Variants in ZNF273 observed in about 807,000 individuals in gnomAD.
ZNF273 encodes the protein zinc finger protein 273.
Under a neutral mutation model 14.9 loss-of-function variants are expected in ZNF273, and 11 were observed. The observed-to-expected ratio is 0.74, with a 90% CI of 0.46 to 1.22. The LOEUF (loss-of-function observed/expected upper bound fraction) is 1.22. ZNF273 is among the 50% of genes most tolerant of loss of function. The pLI is 0.00. For synonymous variants in ZNF273, 199 were observed against 223.9 expected (o/e 0.89, Z 0.99); for missense variants, 577 against 660.6 (o/e 0.87, Z 1.39).
chr7:64,906,371 A>G (rs1333252186), intron 1 of ZNF273, among the ~76,000 whole-genome samples: 1 of 152,224 alleles, frequency 6.6e-6, no homozygotes, highest in Admixed American at 6.5e-5. Context: ...ATAAAATAAT[A>G]CGTTTATCAT....
chr7:64,918,899 C>G (rs1415295846), intron 3 of ZNF273, among the ~76,000 whole-genome samples: 1 of 151,812 alleles, frequency 6.6e-6, no homozygotes, highest in Non-Finnish European at 1.5e-5. Flanking sequence ...TACTGCTTTT[C>G]CATTGTTTTG....
At chr7:64,881,152 G>A (rs369422966), downstream of ZNF273, among the ~76,000 whole-genome samples, 34 of 152,328 alleles carry the variant, frequency 2.2e-4, no homozygotes, top group South Asian at 6.6e-3. Context: ...AACCTGCCAG[G>A]GAACAGTTGG....
At chr7:64,881,351 T>C (rs533441728), downstream of ZNF273, among the ~76,000 whole-genome samples, 21 of 152,362 alleles carry the variant, frequency 1.4e-4, no homozygotes, top group African/African-American at 4.3e-4. Context: ...CAGGAAACGA[T>C]TCCCTGTCCA....
At chr7:64,888,203 G>T in intron 1 of ZNF273, 1 of 750,456 alleles carries the variant, frequency 1.3e-6, no homozygotes, top group Non-Finnish European at 1.6e-6. Flanking sequence ...ATTCCCTGAA[G>T]CCTGGCTGCT....
intron 1 of ZNF273, among the ~76,000 whole-genome samples, chr7:64,913,585 G>A (rs960995220): frequency 1.3e-5 from 2 of 152,236 alleles, no homozygotes; most frequent in Non-Finnish European, 1.5e-5. Flanking sequence ...TAAAGAGACA[G>A]CGAAGAAGAT....
downstream of ZNF273, chr7:64,888,875 C>T (rs539441095): frequency 2.2e-5 from 22 of 985,922 alleles, no homozygotes; most frequent in South Asian, 9.9e-4. Flanking sequence ...ATCTATCTGC[C>T]AGGGAAACGG....
downstream of ZNF273, among the ~76,000 whole-genome samples, chr7:64,884,728 C>G (rs551143345): frequency 6.6e-6 from 1 of 152,170 alleles, no homozygotes; most frequent in Admixed American, 6.5e-5. Flanking sequence ...TCCCTGGGAC[C>G]GGATTCTTGC....
downstream of ZNF273, among the ~76,000 whole-genome samples, chr7:64,894,193 C>CA (rs1454608288): frequency 1.3e-5 from 2 of 152,054 alleles, no homozygotes; most frequent in Admixed American, 1.3e-4. Flanking sequence ...TTAGAAGAAA[C>CA]AGGGTTTCAC....
At chr7:64,892,927 C>T (rs1028887199), downstream of ZNF273, among the ~76,000 whole-genome samples, 1 of 152,082 alleles carries the variant, frequency 6.6e-6, no homozygotes, top group Non-Finnish European at 1.5e-5. Flanking sequence ...CATCATATTG[C>T]CCATTCCTTT....
At chr7:64,904,241 G>C (rs1344742597) in intron 1 of ZNF273, among the ~76,000 whole-genome samples, 1 of 152,046 alleles carries the variant, frequency 6.6e-6, no homozygotes, top group South Asian at 2.1e-4. Context: ...GGCGCACGCC[G>C]CCACGCCCAG....
downstream of ZNF273, chr7:64,882,454 GC>G (rs1791289839): frequency 6.6e-6 from 1 of 152,268 alleles, no homozygotes; most frequent in South Asian, 2.1e-4. Flanking sequence ...CGGGCTGACA[GC>G]CCCGACAGCC....
At chr7:64,910,640 T>A (rs547959059) in intron 1 of ZNF273, among the ~76,000 whole-genome samples, 1 of 151,986 alleles carries the variant, frequency 6.6e-6, no homozygotes, top group East Asian at 1.9e-4. Context: ...TTTGTTCTTT[T>A]TGCTTAAGAT....
At chr7:64,917,310 T>C (rs774150487) in intron 1 of ZNF273, among the ~76,000 whole-genome samples, 19 of 152,244 alleles carry the variant, frequency 1.2e-4, no homozygotes, top group Non-Finnish European at 2.2e-4. Flanking sequence ...CACTCACAAA[T>C]GTACGTGTTT....
upstream of ZNF273, among the ~76,000 whole-genome samples, chr7:64,902,709 G>A (rs1792805147): frequency 8.0e-6 from 1 of 124,804 alleles, no homozygotes; most frequent in African/African-American, 2.9e-5. Flanking sequence ...GACTCCGAAA[G>A]AGACAGAGAG....
chr7:64,899,081 T>C (rs915080704), upstream of ZNF273, among the ~76,000 whole-genome samples: 2 of 152,216 alleles, frequency 1.3e-5, no homozygotes, highest in Non-Finnish European at 1.5e-5. Context: ...AATTCTTGTA[T>C]TGCCTTGGAA....
At chr7:64,935,727 G>A (rs1375692967), downstream of ZNF273, among the ~76,000 whole-genome samples, 1 of 152,076 alleles carries the variant, frequency 6.6e-6, no homozygotes, top group Non-Finnish European at 1.5e-5. Context: ...TCGCCATATT[G>A]ACGAGGCTGG....
chr7:64,888,970 G>T (rs779719611), downstream of ZNF273: 83 of 981,918 alleles, frequency 8.5e-5, no homozygotes, highest in Non-Finnish European at 9.8e-5. Context: ...CCACCCAGCC[G>T]CCGTGGTCAA....
chr7:64,928,562 A>C lies in ZNF273; in HGVS notation c.1234A>C (p.Lys412Gln). Residue 412 changes from lysine (K) to glutamine (Q), a missense_variant, in exon 4 of 4, where the codon AAA (lysine) becomes CAA (glutamine). Physicochemically the swap from Lys to Gln is moderately conservative, Grantham distance 53 (BLOSUM62 1). Around this residue, in one of 3 missense-constraint regions of ZNF273, gnomAD observed 411 missense variants for 440.4 expected, o/e 0.93. Transcript: ENST00000476120. ...ATGTGAAGAATGTGGTAAAGCCTTT[A>C]AACGGTCCACAACTCTTACTAAACA... ...YKCEECGKAFKRSTTLTKHKR... is the reference protein window; with the variant it reads ...YKCEECGKAFQRSTTLTKHKR... 1 of 1,613,948 alleles carries C rather than the reference A, an allele frequency of 6.2e-7. No homozygotes were observed. Among genetic ancestry groups the C allele is most frequent in the Non-Finnish European group, 8.5e-7 (1 of 1,179,892 alleles).
At chr7:64,915,837 C>T (rs1257468279) in intron 1 of ZNF273, among the ~76,000 whole-genome samples, 1 of 152,044 alleles carries the variant, frequency 6.6e-6, no homozygotes, top group Non-Finnish European at 1.5e-5. Context: ...CTATGCAGAA[C>T]AGAATTAACA....
Sources: gnomAD v4.1 joint callset for allele counts (sites outside exome capture counted in the v4.1 genomes callset) on GRCh38, gnomAD v4.1.1 for gene constraint, gnomAD v4.1.1 regional missense constraint, MANE v1.5 for transcripts, NCBI Gene and HGNC (gene_info 2026-07-23, HGNC 2026-07-21) for gene names.